RHOXF1: variants seen among roughly 807,000 people sequenced by gnomAD.
RHOXF1 encodes Rhox homeobox family member 1.
RHOXF1 carries 1 observed loss-of-function variant against 9.7 expected under a neutral mutation model. That is an observed-to-expected ratio of 0.10 (90% CI 0.04 to 0.49). The LOEUF (loss-of-function observed/expected upper bound fraction) is 0.49. Ranked by LOEUF, RHOXF1 falls within the 20% of genes least tolerant of loss-of-function variation. The pLI, the probability that RHOXF1 is intolerant of heterozygous loss-of-function variation, is 0.95. For synonymous variants in RHOXF1, 72 were observed against 70.2 expected (o/e 1.03, Z -0.13); for missense variants, 179 against 168.0 (o/e 1.07, Z -0.36).
chrX:120,109,571 ATTATTTAT>A (rs781846625), intron 2 of RHOXF1, among the ~76,000 whole-genome samples: 28 of 107,241 alleles, frequency 2.6e-4, no homozygotes, highest in Middle Eastern at 9.6e-3. Flanking sequence ...TTATTTATTT[ATTATTTAT>A]TTATTTATTT....
At chrX:120,112,438 TTATATATAATACA>T (rs2057270316) in intron 2 of RHOXF1, among the ~76,000 whole-genome samples, 1 of 76,319 alleles carries the variant, frequency 1.3e-5, no homozygotes, top group Non-Finnish European at 2.4e-5. Context: ...TACACATATA[TTATATATAATACA>T]CATATGTATA....
In RHOXF1 at chrX:120,115,546, C is replaced by G. The variant is rs781931824; in HGVS notation, c.317G>C (p.Arg106Pro). The change falls in exon 1 of 3, where the codon CGG (arginine) becomes CCG (proline). Residue 106 changes from arginine to proline, a missense_variant. Coordinates refer to ENST00000217999, the MANE Select transcript of RHOXF1 (RefSeq NM_139282.3). ...PQPENMQPRT[R>P]RTKFTLLQVE... ...CTGCAACAGCGTGAACTTCGTGCGC[C>G]GAGTTCGTGGCTGCATGTTCTCGGG... The G allele has an allele frequency of 1.1e-5, 13 of 1,138,739 alleles. No individual in the cohort carries two copies. The highest frequency in any genetic ancestry group is 1.4e-5 in the Non-Finnish European group (12 of 861,200). The allele number at this position is 1,138,739 out of a possible 1,213,427, so 93.8% of individuals were successfully genotyped here.
intron 2 of RHOXF1, among the ~76,000 whole-genome samples, chrX:120,111,088 G>A (rs1555999725): frequency 8.9e-6 from 1 of 112,301 alleles, no homozygotes; most frequent in African/African-American, 3.2e-5. Context: ...AATTTATGCT[G>A]TATAGTTTGG....
chrX:120,118,024 T>C (rs1461543717), upstream of RHOXF1: 4 of 112,149 alleles, frequency 3.6e-5, no homozygotes, highest in Admixed American at 9.4e-5. Context: ...AGTTGCAAAG[T>C]CCAGTGAACA....
intron 1 of RHOXF1, among the ~76,000 whole-genome samples, chrX:120,114,377 A>G (rs1173979903): frequency 9.0e-6 from 1 of 111,228 alleles, no homozygotes; most frequent in Admixed American, 9.6e-5. Context: ...AACAACAACA[A>G]CAACAAAAAC....
At position 120,113,820 on chromosome X, in the gene RHOXF1, T is replaced by G. The variant is rs915666658; in HGVS notation, c.399-906A>C. Among the ~76,000 whole-genome samples, 27 of 107,631 alleles carry G rather than the reference T, an allele frequency of 2.5e-4. No individual in the cohort carries two copies. In the East Asian group the frequency reaches 3.7e-3, roughly 15 times the overall value. 93.5% of individuals were successfully genotyped at this position (107,631 alleles called of 115,157 possible). ...AAAATCTGTGATGAGGACCAGGCAC[T>G]GTGGCTCAGGCCTGTAATCCCAGCA... On this transcript the variant is annotated intron_variant, in intron 1 of 2. Transcript: ENST00000217999.
At chrX:120,113,940 A>T (rs1216736377) in intron 1 of RHOXF1, among the ~76,000 whole-genome samples, 2 of 109,100 alleles carry the variant, frequency 1.8e-5, no homozygotes, top group African/African-American at 6.6e-5. Context: ...CACAAAAAAA[A>T]TACAAAAATT....
At chrX:120,117,464 T>C (rs1359261939), upstream of RHOXF1, among the ~76,000 whole-genome samples, 3 of 111,672 alleles carry the variant, frequency 2.7e-5, no homozygotes, top group Admixed American at 2.9e-4. Flanking sequence ...ATTTTATTTT[T>C]AAATGTTCTT....
Position 120,115,871 on chromosome X carries a change from C to T in RHOXF1, c.-9G>A, listed in dbSNP as rs782445014. The T allele has an allele frequency of 9.5e-6, 11 of 1,154,088 alleles. No individual in the cohort carries two copies. In the East Asian group the frequency reaches 1.5e-4, roughly 16 times the overall value. ...ACGAGCGAACGCGCCATGGCTGGAG[C>T]GCTGCGCCCCTGCACAAACTCCGTG... On this transcript the variant is annotated 5_prime_UTR_variant, in exon 1 of 3. Coordinates refer to ENST00000217999, the MANE Select transcript of RHOXF1 (RefSeq NM_139282.3).
rs377007092 is a variant in RHOXF1 at position 120,112,854 on chromosome X, T to C, written c.444+15A>G. The C allele has an allele frequency of 2.5e-6, 3 of 1,176,613 alleles. No homozygotes were observed. The highest frequency in any genetic ancestry group is 2.2e-5 in the Admixed American group (1 of 45,442). On this transcript the variant is annotated intron_variant, in intron 2 of 2. Coordinates refer to ENST00000217999, the MANE Select transcript of RHOXF1 (RefSeq NM_139282.3). ...AATGGCTGTCCTCTCAAATTGCTTT[T>C]TCAAGTGTACTGACCCGCACTTTGT...
In RHOXF1 at chrX:120,109,315, G is replaced by C. The variant is rs1230380346; in HGVS notation, c.445-13C>G. 1.9e-6 allele frequency: 2 copies of C among 1,036,533 alleles called. No homozygotes were observed. The highest frequency in any genetic ancestry group is 2.7e-6 in the Non-Finnish European group (2 of 741,304). 85.4% of individuals were successfully genotyped at this position (1,036,533 alleles called of 1,213,427 possible). ...TCTTAAACCAAACCTACAATCAGAG[G>C]GAAAAGGGGATTGGTTTAGTATATT... is the stretch of plus-strand genomic sequence containing the variant. On this transcript the variant is annotated splice_polypyrimidine_tract_variant and intron_variant, in intron 2 of 2. Coordinates refer to ENST00000217999, the MANE Select transcript of RHOXF1 (RefSeq NM_139282.3).
chrX:120,111,441 A>G (rs1191064858), intron 2 of RHOXF1, among the ~76,000 whole-genome samples: 2 of 111,960 alleles, frequency 1.8e-5, no homozygotes, highest in African/African-American at 6.5e-5. Flanking sequence ...CTCTGCATAA[A>G]AGCTAATAAT....
In RHOXF1 at chrX:120,115,656, C is replaced by T. The variant is rs781893705; in HGVS notation, c.207G>A (p.Glu69=). The T allele has an allele frequency of 1.7e-6, 2 of 1,195,388 alleles. No homozygotes were observed. ...GAGGCTCCTGGTTTCCACCGCCGCC[C>T]TCGGGGATCATGCCGCCATCGCGGT... ...GMNRDGGMIP[E]GGGGNQEPRQ... is the part of the protein sequence containing the mutation. The change falls in exon 1 of 3, where the codon GAG becomes GAA. Residue 69 remains glutamate (E), a synonymous_variant. Transcript: ENST00000217999.
chrX:120,120,042 T>C (rs2057310740), upstream of RHOXF1, among the ~76,000 whole-genome samples: 1 of 111,563 alleles, frequency 9.0e-6, no homozygotes, highest in African/African-American at 3.3e-5. Flanking sequence ...CATAGTATGT[T>C]ACCAAGCATA....
chrX:120,109,885 C>A (rs1357814037), intron 2 of RHOXF1, among the ~76,000 whole-genome samples: 1 of 111,683 alleles, frequency 9.0e-6, no homozygotes, highest in Non-Finnish European at 1.9e-5. Flanking sequence ...GTGCCCAGCC[C>A]CAATTTTAAT....
chrX:120,118,907 G>A (rs1556000987), upstream of RHOXF1, among the ~76,000 whole-genome samples: 1 of 111,619 alleles, frequency 9.0e-6, no homozygotes, highest in East Asian at 2.8e-4. Flanking sequence ...ATTAGGCCAA[G>A]GAAGAAAATC....
At chrX:120,111,232 CCT>C (rs2057263658) in intron 2 of RHOXF1, among the ~76,000 whole-genome samples, 3 of 111,428 alleles carry the variant, frequency 2.7e-5, no homozygotes, top group African/African-American at 9.8e-5. Flanking sequence ...TTTTTCTTTT[CCT>C]CTGAGTTTGC....
At chrX:120,111,431 C>T (rs782564616) in intron 2 of RHOXF1, among the ~76,000 whole-genome samples, 3 of 111,895 alleles carry the variant, frequency 2.7e-5, no homozygotes, top group Non-Finnish European at 3.8e-5. Context: ...CACACATGCA[C>T]TCTGCATAAA....
At chrX:120,111,538 C>A (rs2057265034) in intron 2 of RHOXF1, among the ~76,000 whole-genome samples, 1 of 111,874 alleles carries the variant, frequency 8.9e-6, no homozygotes, top group African/African-American at 3.3e-5. Flanking sequence ...AAGTGGTCAT[C>A]ACTTGAATCC....
Sources: gnomAD v4.1 joint callset for allele counts (sites outside exome capture counted in the v4.1 genomes callset) on GRCh38, gnomAD v4.1.1 for gene constraint, MANE v1.5 for transcripts, NCBI Gene and HGNC (gene_info 2026-07-23, HGNC 2026-07-21) for gene names.